Variants in CUEDC1 observed in about 807,000 individuals in gnomAD.
The protein encoded by CUEDC1 is CUE domain-containing protein 1.
Under a neutral mutation model 43.7 loss-of-function variants are expected in CUEDC1, and 30 were observed. The observed-to-expected ratio is 0.69, with a 90% CI of 0.51 to 0.93. CUEDC1 has a LOEUF of 0.93. CUEDC1 is among the 40% of genes least tolerant of loss of function. The pLI is 0.00. For synonymous variants in CUEDC1, 223 were observed against 223.6 expected, an observed-to-expected ratio of 1.00 and a Z score of 0.02; for missense variants, 486 against 549.0, an observed-to-expected ratio of 0.89 and a Z score of 1.15.
intron 1 of CUEDC1, among the ~76,000 whole-genome samples, chr17:57,938,686 G>C (rs1380979562): frequency 6.6e-6 from 1 of 151,620 alleles, no homozygotes; most frequent in East Asian, 1.9e-4. Flanking sequence ...TTTTAAGACA[G>C]AGTTTTGCTC....
rs117113212 is a variant in CUEDC1 at position 57,915,729 on chromosome 17, C to G, written c.-315-29850G>C. Among the ~76,000 whole-genome samples, 1,010 of 152,284 alleles carry G rather than the reference C, an allele frequency of 6.6e-3. 3 individuals carry two copies. The highest frequency in any genetic ancestry group is 0.02 in the Middle Eastern group (6 of 294). On this transcript the variant is annotated intron_variant, in intron 1 of 10. Coordinates refer to ENST00000577830, the MANE Select transcript of CUEDC1 (RefSeq NM_001271875.2). ...ACTTAAGGCAGGGTTGCTGCTACCC[C>G]CGGCTGTTTGGGCCAACACTTGAGC... is the stretch of plus-strand genomic sequence containing the variant.
intron 1 of CUEDC1, among the ~76,000 whole-genome samples, chr17:57,916,670 CAG>C (rs2074645172): frequency 6.6e-6 from 1 of 152,136 alleles, no homozygotes; most frequent in Non-Finnish European, 1.5e-5. Flanking sequence ...TTTCAGGCCA[CAG>C]AGAGGAGGCC....
At chr17:57,897,062 C>T (rs553931387) in intron 1 of CUEDC1, among the ~76,000 whole-genome samples, 8 of 152,140 alleles carry the variant, frequency 5.3e-5, no homozygotes, top group East Asian at 3.9e-4. Context: ...TGAGCCACCG[C>T]GCCTGGCCAT....
intron 2 of CUEDC1, among the ~76,000 whole-genome samples, chr17:57,884,682 G>A (rs755837873): frequency 2.4e-4 from 37 of 152,134 alleles, no homozygotes; most frequent in Non-Finnish European, 5.0e-4. Context: ...TCTTCCTTTG[G>A]GTCTCAGCTT....
intron 3 of CUEDC1, among the ~76,000 whole-genome samples, chr17:57,874,347 G>GC (rs1360135325): frequency 1.3e-5 from 2 of 152,202 alleles, no homozygotes; most frequent in Non-Finnish European, 2.9e-5. Context: ...GTGCTGGGGA[G>GC]CCCCTCAGGA....
chr17:57,937,484 A>G, intron 1 of CUEDC1, among the ~76,000 whole-genome samples: 1 of 151,818 alleles, frequency 6.6e-6, no homozygotes, highest in African/African-American at 2.4e-5. Context: ...GGCAGCATGC[A>G]CCGGTAGTCC....
intron 1 of CUEDC1, among the ~76,000 whole-genome samples, chr17:57,900,294 T>C (rs923136328): frequency 6.6e-6 from 1 of 151,806 alleles, no homozygotes; most frequent in African/African-American, 2.4e-5. Flanking sequence ...GGGATATAGG[T>C]GGGGGCTGGG....
intron 1 of CUEDC1, among the ~76,000 whole-genome samples, chr17:57,898,075 G>A (rs566209199): frequency 1.3e-5 from 2 of 152,244 alleles, no homozygotes; most frequent in South Asian, 4.1e-4. Context: ...GAGCCTCCAG[G>A]GCTTTAAAAC....
intron 1 of CUEDC1, among the ~76,000 whole-genome samples, chr17:57,897,539 A>T (rs894873019): frequency 6.6e-6 from 1 of 151,512 alleles, no homozygotes; most frequent in Non-Finnish European, 1.5e-5. Context: ...GTGTGGTGGC[A>T]GGCACCTGTA....
At chr17:57,873,411 G>A (rs2074063773) in intron 4 of CUEDC1, among the ~76,000 whole-genome samples, 180 bp downstream of exon 4, 1 of 152,212 alleles carries the variant, frequency 6.6e-6, no homozygotes, top group African/African-American at 2.4e-5. Flanking sequence ...GAAACCTCCA[G>A]GCCCAGGCAG....
rs114627987 is a variant in CUEDC1 at position 57,879,835 on chromosome 17, A to C, written c.337-97T>G. 1.2e-3 allele frequency: 1,487 copies of C among 1,259,228 alleles called. 13 individuals carry two copies. The African/African-American group carries it at 0.019, about 16-fold the overall frequency. The allele number at this position is 1,259,228 out of a possible 1,614,324, so 78.0% of individuals were successfully genotyped here. On this transcript the variant is annotated intron_variant, in intron 2 of 10. Coordinates refer to ENST00000577830, the MANE Select transcript of CUEDC1 (RefSeq NM_001271875.2). ...CAAGTGTGGGAGGGCAGGTATAATAAAGGAACTCTGTGTGTTGCTAGTGGG... is the reference window on the plus strand; with the variant it reads ...CAAGTGTGGGAGGGCAGGTATAATACAGGAACTCTGTGTGTTGCTAGTGGG...
intron 1 of CUEDC1, among the ~76,000 whole-genome samples, chr17:57,890,150 G>A (rs181768286): frequency 6.6e-6 from 1 of 152,236 alleles, no homozygotes; most frequent in Admixed American, 6.5e-5. Flanking sequence ...CACACAGCCA[G>A]TATGTGGAGA....
chr17:57,869,215 A>C lies in CUEDC1; in HGVS notation c.869-22T>G. 2.5e-6 allele frequency: 4 copies of C among 1,611,068 alleles called. No individual in the cohort carries two copies. In the South Asian group the frequency reaches 4.4e-5, roughly 18 times the overall value. On this transcript the variant is annotated intron_variant, in intron 6 of 10. Transcript: ENST00000577830. ...GTTCCTGGAAGGAGACACCTGCTGA[A>C]GGCCGGCCACCGTGGCCAGCCATGG...
intron 1 of CUEDC1, among the ~76,000 whole-genome samples, chr17:57,933,285 G>A (rs2074827099): frequency 6.6e-6 from 1 of 152,148 alleles, no homozygotes; most frequent in Non-Finnish European, 1.5e-5. Flanking sequence ...AAACAACAAT[G>A]TCTGTAACTT....
chr17:57,872,137 C>T (rs890675182), intron 5 of CUEDC1, among the ~76,000 whole-genome samples: 1 of 152,212 alleles, frequency 6.6e-6, no homozygotes, highest in Non-Finnish European at 1.5e-5. Context: ...CAAACGCACT[C>T]CCACCCTGCA....
intron 1 of CUEDC1, among the ~76,000 whole-genome samples, chr17:57,911,739 T>C (rs2074585486): frequency 6.6e-6 from 1 of 152,182 alleles, no homozygotes; most frequent in African/African-American, 2.4e-5. Context: ...TCTCCTGATC[T>C]CAAGTGATCC....
intron 5 of CUEDC1, among the ~76,000 whole-genome samples, chr17:57,871,642 G>A (rs555516654): frequency 8.5e-5 from 13 of 152,310 alleles, no homozygotes; most frequent in South Asian, 4.1e-4. Context: ...AGAAAGGCAC[G>A]GCCAGGGATG....
chr17:57,922,852 A>C (rs2074710604), intron 1 of CUEDC1, among the ~76,000 whole-genome samples: 1 of 151,702 alleles, frequency 6.6e-6, no homozygotes, highest in Non-Finnish European at 1.5e-5. Flanking sequence ...TGCACATTAG[A>C]ATCACCCAGG....
chr17:57,867,642 C>G (rs1425077681), intron 8 of CUEDC1: 1 of 582,694 alleles, frequency 1.7e-6, no homozygotes. Context: ...GATGGAGAAA[C>G]AGCTTCCTCC....
Sources: gnomAD v4.1 joint callset for allele counts (sites outside exome capture counted in the v4.1 genomes callset) on GRCh38, gnomAD v4.1.1 for gene constraint, MANE v1.5 for transcripts, NCBI Gene and HGNC (gene_info 2026-07-23, HGNC 2026-07-21) for gene names.